The following PKIG variants were observed in gnomAD, a reference collection of about 807,000 sequenced individuals.
The protein encoded by PKIG is cAMP-dependent protein kinase inhibitor gamma, also known as protein kinase (cAMP-dependent, catalytic) inhibitor gamma.
A neutral mutation model predicts 6.8 loss-of-function variants in PKIG; 1 was observed. The observed-to-expected ratio is 0.15, with a 90% confidence interval of 0.05 to 0.69. The LOEUF is 0.69. Among genes scored for constraint, PKIG ranks in the 30% least tolerant of loss-of-function variants. The pLI is 0.82. For synonymous variants in PKIG, 39 were observed against 43.0 expected, an observed-to-expected ratio of 0.91 and a Z score of 0.36; for missense variants, 77 against 104.0, an observed-to-expected ratio of 0.74 and a Z score of 1.13.
chr20:44,578,033 A>AT (rs2064914117), upstream of PKIG, among the ~76,000 whole-genome samples: 1 of 151,944 alleles, frequency 6.6e-6, no homozygotes, highest in African/African-American at 2.4e-5. Context: ...AGAACTGGTT[A>AT]TTTTTTAATT....
intron 1 of PKIG, among the ~76,000 whole-genome samples, chr20:44,558,555 T>TTTTCTTTCTTTC (rs2064735428): frequency 6.9e-6 from 1 of 144,866 alleles, no homozygotes; most frequent in African/African-American, 2.7e-5. Context: ...TCACATTTCT[T>TTTTCTTTCTTTC]TTTCTTTCTT....
intron 2 of PKIG, among the ~76,000 whole-genome samples, chr20:44,608,989 T>G (rs1162222553): frequency 6.6e-6 from 1 of 152,218 alleles, no homozygotes; most frequent in African/African-American, 2.4e-5. Flanking sequence ...TACAGTCTCA[T>G]TAACAGGGTT....
At chr20:44,544,573 C>T (rs910636765) in intron 1 of PKIG, among the ~76,000 whole-genome samples, 1 of 152,182 alleles carries the variant, frequency 6.6e-6, no homozygotes, top group African/African-American at 2.4e-5. Context: ...GGCTCTCTAG[C>T]CAAACGGTCT....
chr20:44,608,000 T>C (rs1423138781), intron 2 of PKIG, among the ~76,000 whole-genome samples: 1 of 139,610 alleles, frequency 7.2e-6, no homozygotes, highest in Non-Finnish European at 1.5e-5. Context: ...CCGGCCAAAA[T>C]TTTGTTTTAA....
intron 2 of PKIG, among the ~76,000 whole-genome samples, chr20:44,594,245 A>G (rs1298724392): frequency 6.6e-6 from 1 of 152,198 alleles, no homozygotes; most frequent in Non-Finnish European, 1.5e-5. Flanking sequence ...TTTATTGAGC[A>G]TCTTGTCATG....
chr20:44,613,735 C>G (rs2065239513), intron 2 of PKIG, among the ~76,000 whole-genome samples: 1 of 152,184 alleles, frequency 6.6e-6, no homozygotes, highest in Admixed American at 6.5e-5. Context: ...TTCACAGGAG[C>G]CTCCTAACTT....
chr20:44,605,774 C>T (rs544752297), intron 2 of PKIG, among the ~76,000 whole-genome samples: 3 of 151,856 alleles, frequency 2.0e-5, no homozygotes, highest in African/African-American at 7.2e-5. Context: ...TAGCTGGGCA[C>T]ATTAGCATGC....
At chr20:44,608,015 A>G (rs2065182681) in intron 2 of PKIG, among the ~76,000 whole-genome samples, 1 of 152,066 alleles carries the variant, frequency 6.6e-6, no homozygotes, top group Non-Finnish European at 1.5e-5. Flanking sequence ...TTTTAAATAA[A>G]GGAAAAAGGA....
At chr20:44,559,345 C>T (rs2064746623) in intron 1 of PKIG, among the ~76,000 whole-genome samples, 1 of 152,184 alleles carries the variant, frequency 6.6e-6, no homozygotes, top group African/African-American at 2.4e-5. Flanking sequence ...CTATTGTTCA[C>T]ATAGATACAT....
chr20:44,582,380 C>T (rs1207063099), upstream of PKIG, among the ~76,000 whole-genome samples: 1 of 152,128 alleles, frequency 6.6e-6, no homozygotes, highest in Non-Finnish European at 1.5e-5. Flanking sequence ...ATTAGGCAAG[C>T]GTGGTGGCCT....
chr20:44,583,335 TAAA>T (rs1421844484), intron 1 of PKIG, among the ~76,000 whole-genome samples: 1 of 152,232 alleles, frequency 6.6e-6, no homozygotes, highest in African/African-American at 2.4e-5. Context: ...TGCTTCCTTT[TAAA>T]AATTTGCTGT....
intron 2 of PKIG, among the ~76,000 whole-genome samples, chr20:44,612,190 T>G (rs1301015922): frequency 6.6e-6 from 1 of 152,226 alleles, no homozygotes; most frequent in Non-Finnish European, 1.5e-5. Flanking sequence ...GAACCCTCCA[T>G]ACTGTTTTCC....
intron 1 of PKIG, among the ~76,000 whole-genome samples, chr20:44,549,517 T>A (rs1468540600): frequency 6.6e-6 from 1 of 152,214 alleles, no homozygotes; most frequent in Non-Finnish European, 1.5e-5. Flanking sequence ...GAAGATGTGT[T>A]ACTTCTAATT....
intron 1 of PKIG, among the ~76,000 whole-genome samples, chr20:44,570,971 C>T (rs8126218): frequency 4.9e-4 from 75 of 152,262 alleles, no homozygotes; most frequent in African/African-American, 1.8e-3. Flanking sequence ...CCGTGGCTCA[C>T]GCCTGTAATT....
chr20:44,539,980 T>C (rs1258583684), intron 1 of PKIG, among the ~76,000 whole-genome samples: 1 of 150,286 alleles, frequency 6.7e-6, no homozygotes, highest in Non-Finnish European at 1.5e-5. Context: ...TTTTCTTAGA[T>C]GGAGTCTCGT....
At chr20:44,568,043 A>G (rs956933145) in intron 1 of PKIG, among the ~76,000 whole-genome samples, 1 of 152,124 alleles carries the variant, frequency 6.6e-6, no homozygotes, top group Non-Finnish European at 1.5e-5. Context: ...CTATTCAGGA[A>G]GCTGAAGTGG....
chr20:44,577,372 G>A (rs2064908007), intron 1 of PKIG, among the ~76,000 whole-genome samples: 1 of 152,000 alleles, frequency 6.6e-6, no homozygotes, highest in South Asian at 2.1e-4. Context: ...GACCTCAAGT[G>A]ACCTGCTCGC....
At chr20:44,556,703 T>C (rs1453266880) in intron 1 of PKIG, among the ~76,000 whole-genome samples, 1 of 152,178 alleles carries the variant, frequency 6.6e-6, no homozygotes, top group African/African-American at 2.4e-5. Context: ...AAATTTGGAT[T>C]CCAAGTGAAA....
At chr20:44,534,961 C>T (rs886641354) in intron 1 of PKIG, among the ~76,000 whole-genome samples, 10 of 152,036 alleles carry the variant, frequency 6.6e-5, no homozygotes, top group Non-Finnish European at 1.2e-4. Flanking sequence ...TAAATCTCTA[C>T]CTGTGATATG....
Sources: gnomAD v4.1 joint callset for allele counts (sites outside exome capture counted in the v4.1 genomes callset) on GRCh38, gnomAD v4.1.1 for gene constraint, MANE v1.5 for transcripts, NCBI Gene and HGNC (gene_info 2026-07-23, HGNC 2026-07-21) for gene names.